The following ALPL variants were observed in gnomAD, a reference collection of about 807,000 sequenced individuals.
ALPL encodes the protein alkaline phosphatase, tissue-nonspecific isozyme.
ALPL carries 42 observed loss-of-function variants against 51.3 expected under a neutral mutation model. That is an observed-to-expected ratio of 0.82 (90% confidence interval 0.64 to 1.06). The LOEUF (loss-of-function observed/expected upper bound fraction) is 1.06. Ranked by LOEUF, ALPL falls within the 50% of genes least tolerant of loss-of-function variation. The pLI is 0.00. For synonymous variants in ALPL, 279 were observed against 296.4 expected (o/e 0.94, Z 0.60); for missense variants, 589 against 709.4 (o/e 0.83, Z 1.93).
intron 1 of ALPL, among the ~76,000 whole-genome samples, chr1:21,553,624 T>C (rs1357134170): frequency 1.3e-5 from 2 of 152,216 alleles, no homozygotes; most frequent in African/African-American, 4.8e-5. Flanking sequence ...TAACAAGCCC[T>C]TGGGGGATTC....
At chr1:21,546,065 C>T (rs1644250261) in intron 1 of ALPL, among the ~76,000 whole-genome samples, 1 of 152,166 alleles carries the variant, frequency 6.6e-6, no homozygotes, top group Non-Finnish European at 1.5e-5. Context: ...CCACCCACCT[C>T]AGCCTCCCAA....
chr1:21,522,757 G>C (rs1474045499), intron 1 of ALPL, among the ~76,000 whole-genome samples: 1 of 152,196 alleles, frequency 6.6e-6, no homozygotes, highest in East Asian at 1.9e-4. Context: ...GATCTGAGCA[G>C]AAGCTGGCAG....
At chr1:21,563,542 G>A (rs1352181428) in intron 5 of ALPL, among the ~76,000 whole-genome samples, 1 of 152,190 alleles carries the variant, frequency 6.6e-6, no homozygotes, top group African/African-American at 2.4e-5. Context: ...AAACGGGTGG[G>A]AACGTAGCCC....
At chr1:21,538,157 A>T (rs1183739752) in intron 1 of ALPL, among the ~76,000 whole-genome samples, 2 of 152,114 alleles carry the variant, frequency 1.3e-5, no homozygotes, top group Non-Finnish European at 2.9e-5. Context: ...TTGTTCCTCC[A>T]GTGACGTAGG....
chr1:21,513,434 A>G (rs1265377197), intron 1 of ALPL, among the ~76,000 whole-genome samples: 1 of 152,166 alleles, frequency 6.6e-6, no homozygotes, highest in Non-Finnish European at 1.5e-5. Flanking sequence ...GTGGAAAAAG[A>G]TATTAAGCTC....
intron 1 of ALPL, among the ~76,000 whole-genome samples, chr1:21,514,443 T>G (rs1643754173): frequency 6.6e-6 from 1 of 152,180 alleles, no homozygotes; most frequent in Non-Finnish European, 1.5e-5. Flanking sequence ...AACACGATCT[T>G]GCACTCTGAA....
Position 21,568,201 on chromosome 1 carries a change from GC to G in ALPL, c.748del (p.Leu250TrpfsTer27). 1 of 1,614,106 alleles carries G rather than the reference GC, an allele frequency of 6.2e-7. No individual in the cohort carries two copies. Among genetic ancestry groups the G allele is most frequent in the Non-Finnish European group, 8.5e-7 (1 of 1,180,028 alleles). On this transcript the variant is annotated frameshift_variant, in exon 7 of 12. Coordinates refer to ENST00000374840, the MANE Select transcript of ALPL (RefSeq NM_000478.6). LOFTEE classifies it high-confidence loss of function. ...AAAGCCAGGGGCACGAGGCTGGACGGCCTGGACCTCGTTGACACCTGGAAGA... is the reference window on the plus strand; with the variant it reads ...AAAGCCAGGGGCACGAGGCTGGACGGCTGGACCTCGTTGACACCTGGAAGA... Reference protein sequence around the residue: ...DEKARGTRLDGLDLVDTWKSF... With the variant: ...DEKARGTRLDXLDLVDTWKSF...
chr1:21,554,880 T>C (rs1644389985), intron 2 of ALPL, among the ~76,000 whole-genome samples: 1 of 137,930 alleles, frequency 7.3e-6, no homozygotes, highest in East Asian at 2.2e-4. Flanking sequence ...TTTCTCTCTT[T>C]CTTTCTTTTT....
At chr1:21,510,014 G>A (rs981358981) in intron 1 of ALPL, among the ~76,000 whole-genome samples, 1 of 152,184 alleles carries the variant, frequency 6.6e-6, no homozygotes, top group African/African-American at 2.4e-5. Flanking sequence ...GTTTGGTTTG[G>A]GAGGAGGAGA....
chr1:21,553,621 C>A (rs1644360474), intron 1 of ALPL, among the ~76,000 whole-genome samples: 1 of 152,180 alleles, frequency 6.6e-6, no homozygotes, highest in Admixed American at 6.5e-5. Flanking sequence ...TTGTAACAAG[C>A]CCTTGGGGGA....
In ALPL at chr1:21,512,422, G is replaced by A. The variant is rs116066097; in HGVS notation, c.-105+2905G>A. On this transcript the variant is annotated intron_variant, in intron 1 of 11. Coordinates refer to ENST00000374840, the MANE Select transcript of ALPL (RefSeq NM_000478.6). The stretch of plus-strand genomic sequence containing the variant: ...GGTTTTCCAACTTTGGGCTGAACCA[G>A]CATTGATGTTATTAAGACATTCATA... Among the ~76,000 whole-genome samples the A allele has an allele frequency of 3.7e-3, 558 of 152,314 alleles. 1 individual carries two copies. Among genetic ancestry groups the A allele is most frequent in the Non-Finnish European group, 6.2e-3 (424 of 68,026 alleles).
At chr1:21,529,429 A>AT (rs1041887916) in intron 1 of ALPL, among the ~76,000 whole-genome samples, 6 of 151,896 alleles carry the variant, frequency 4.0e-5, no homozygotes, top group African/African-American at 1.2e-4. Flanking sequence ...TTAAAAAATA[A>AT]TTTTTTTTGT....
chr1:21,512,699 C>T (rs868817555), intron 1 of ALPL, among the ~76,000 whole-genome samples: 6 of 152,080 alleles, frequency 3.9e-5, no homozygotes, highest in South Asian at 4.2e-4. Context: ...ACATAGTCTC[C>T]GTATTTTTCT....
At chr1:21,566,238 C>A (rs1644562637) in intron 6 of ALPL, among the ~76,000 whole-genome samples, 1 of 152,170 alleles carries the variant, frequency 6.6e-6, no homozygotes, top group African/African-American at 2.4e-5. Flanking sequence ...TGGGTGACTG[C>A]CTTTCCTCCT....
At chr1:21,516,908 G>T (rs12119205) in intron 1 of ALPL, among the ~76,000 whole-genome samples, 20,237 of 152,160 alleles carry the variant, frequency 0.13, 1,559 homozygotes, top group African/African-American at 0.19. Context: ...GGAATTGTAA[G>T]TTGAAAAATA....
chr1:21,544,184 T>C lies in ALPL; in HGVS notation c.-104-9794T>C, dbSNP rs1329023969. On this transcript the variant is annotated intron_variant, in intron 1 of 11. Transcript: ENST00000374840. ...CAGGTGTGTCACAGTCAGCACCTGG[T>C]GCACCGTAGTTCTTGAATGGGAAAC... is the stretch of plus-strand genomic sequence containing the variant. Among the ~76,000 whole-genome samples, 5 of 152,230 alleles carry C rather than the reference T, an allele frequency of 3.3e-5. No homozygotes were observed. In the South Asian group the frequency reaches 1.0e-3, roughly 32 times the overall value.
chr1:21,514,705 A>G (rs1643759676), intron 1 of ALPL, among the ~76,000 whole-genome samples: 1 of 152,152 alleles, frequency 6.6e-6, no homozygotes, highest in Non-Finnish European at 1.5e-5. Context: ...TTGATTGTCG[A>G]TTGCTGATAC....
rs2148194842 is a variant in ALPL, at chr1:21,577,468, C to T, written c.1395C>T (p.Gly465=). 1 of 1,610,896 alleles carries T rather than the reference C, an allele frequency of 6.2e-7. No homozygotes were observed. Residue 465 remains glycine (G), a synonymous_variant, in exon 12 of 12, where the codon GGC becomes GGT. Coordinates refer to ENST00000374840, the MANE Select transcript of ALPL (RefSeq NM_000478.6). ...AGGACGTGGCCGTCTTCTCCAAGGG[C>T]CCCATGGCGCACCTGCTGCACGGCG... The part of the protein sequence containing the change: ...GGEDVAVFSK[G]PMAHLLHGVH...
intron 1 of ALPL, among the ~76,000 whole-genome samples, chr1:21,513,387 A>G (rs1015372830): frequency 6.6e-6 from 1 of 152,172 alleles, no homozygotes; most frequent in Non-Finnish European, 1.5e-5. Context: ...TTTTTTGAAA[A>G]TCATTGTTTA....
Sources: allele counts gnomAD v4.1 joint callset (sites outside exome capture counted in the v4.1 genomes callset), GRCh38; gene constraint gnomAD v4.1.1; transcripts MANE v1.5; gene names NCBI Gene and HGNC (gene_info 2026-07-23, HGNC 2026-07-21).